The following RNF216 variants were observed in gnomAD, a reference collection of about 807,000 sequenced individuals.
The protein encoded by RNF216 is ring finger protein 216.
A neutral mutation model predicts 110.8 loss-of-function variants in RNF216; 72 were observed. The observed-to-expected ratio is 0.65, with a 90% CI of 0.54 to 0.79. RNF216 has a LOEUF of 0.79. Ranked by LOEUF, RNF216 falls within the 30% of genes least tolerant of loss-of-function variation. The probability of loss-of-function intolerance (pLI) is 0.00; values close to 1 mark genes in which losing one functional copy is unlikely to be tolerated. For synonymous variants in RNF216, 495 were observed against 407.5 expected (o/e 1.21, Z -2.59); for missense variants, 1,342 against 1,141.2 (o/e 1.18, Z -2.54).
intron 5 of RNF216, chr7:5,733,075 A>T (rs573524048): frequency 1.3e-4 from 20 of 152,378 alleles, no homozygotes; most frequent in Admixed American, 1.3e-3. Context: ...ACTGAGCTAC[A>T]ACAAAATCCC....
intron 5 of RNF216, among the ~76,000 whole-genome samples, chr7:5,732,495 T>G (rs1794151748): frequency 6.6e-6 from 1 of 152,240 alleles, no homozygotes; most frequent in Non-Finnish European, 1.5e-5. Flanking sequence ...CCAATTCATT[T>G]TATATTTGCA....
At chr7:5,652,116 C>G (rs1457970933) in intron 14 of RNF216, among the ~76,000 whole-genome samples, 1 of 152,022 alleles carries the variant, frequency 6.6e-6, no homozygotes, top group Non-Finnish European at 1.5e-5. Flanking sequence ...CTAGTGCAGT[C>G]TAAGTTAATT....
chr7:5,717,221 C>G (rs915357181), intron 9 of RNF216, among the ~76,000 whole-genome samples: 4 of 152,022 alleles, frequency 2.6e-5, no homozygotes, highest in African/African-American at 9.7e-5. Flanking sequence ...GGCATGGTGG[C>G]GTGCACCTGT....
chr7:5,716,595 A>C (rs1159764855), intron 10 of RNF216, 121 bp downstream of exon 10: 2 of 704,916 alleles, frequency 2.8e-6, no homozygotes, highest in Non-Finnish European at 4.9e-6. Context: ...GCTGAACTGC[A>C]AACTCACCAA....
chr7:5,675,760 A>T (rs924259563), intron 13 of RNF216, among the ~76,000 whole-genome samples: 1 of 145,728 alleles, frequency 6.9e-6, no homozygotes, highest in African/African-American at 2.7e-5. Flanking sequence ...CCCAGGCTGT[A>T]ACGCAATGGT....
intron 11 of RNF216, among the ~76,000 whole-genome samples, chr7:5,714,136 T>C (rs552891846): frequency 2.6e-5 from 4 of 152,312 alleles, no homozygotes; most frequent in South Asian, 4.1e-4. Context: ...CTAATTTTTG[T>C]ATTTTTAGCA....
chr7:5,779,778 G>C (rs1220690521), intron 1 of RNF216, among the ~76,000 whole-genome samples: 1 of 138,700 alleles, frequency 7.2e-6, no homozygotes, highest in East Asian at 2.3e-4. Flanking sequence ...GCAGTGGGCA[G>C]AGATGGCACC....
intron 15 of RNF216, among the ~76,000 whole-genome samples, chr7:5,632,321 A>G (rs1343573061): frequency 1.6e-4 from 25 of 152,190 alleles, no homozygotes; most frequent in Admixed American, 1.6e-3. Context: ...ACAGGCCTTA[A>G]GAAGGACCCA....
intron 1 of RNF216, among the ~76,000 whole-genome samples, chr7:5,771,927 A>C (rs1796518657): frequency 6.6e-6 from 1 of 152,070 alleles, no homozygotes; most frequent in Admixed American, 6.5e-5. Flanking sequence ...GAGACATCAG[A>C]GAAATGTAAA....
intron 2 of RNF216, among the ~76,000 whole-genome samples, chr7:5,759,409 C>T (rs1795813223): frequency 6.6e-6 from 1 of 152,090 alleles, no homozygotes; most frequent in Non-Finnish European, 1.5e-5. Flanking sequence ...AGATGAAGAC[C>T]TTTAGAATGG....
In RNF216 at chr7:5,738,149, G is replaced by A. The variant is rs148064983; in HGVS notation, c.1121+1127C>T. 7.6e-3 allele frequency among the ~76,000 whole-genome samples: 1,138 copies of A among 150,324 alleles called. 15 individuals carry two copies. The highest frequency in any genetic ancestry group is 0.027 in the African/African-American group (1,091 of 40,384). ...TTATTTCACCTCTGCAGATTAGAAGGAGGGGAAAGAGTATATTTTTCATTT... is the reference window on the plus strand; with the variant it reads ...TTATTTCACCTCTGCAGATTAGAAGAAGGGGAAAGAGTATATTTTTCATTT... On this transcript the variant is annotated intron_variant, in intron 5 of 16. Transcript: ENST00000389902.
intron 13 of RNF216, among the ~76,000 whole-genome samples, chr7:5,665,156 T>C (rs913304077): frequency 6.6e-6 from 1 of 152,226 alleles, no homozygotes; most frequent in Non-Finnish European, 1.5e-5. Context: ...GATCTGATTA[T>C]GTCACATCTA....
At chr7:5,758,939 G>A (rs1795785180) in intron 2 of RNF216, among the ~76,000 whole-genome samples, 1 of 152,126 alleles carries the variant, frequency 6.6e-6, no homozygotes, top group Non-Finnish European at 1.5e-5. Flanking sequence ...AGTATGGTTT[G>A]GATCTGTGTC....
intron 5 of RNF216, among the ~76,000 whole-genome samples, chr7:5,735,472 G>A (rs6959488): frequency 0.071 from 10,856 of 152,148 alleles, 1,308 homozygotes; most frequent in African/African-American, 0.25. Flanking sequence ...TAGGCAAAGA[G>A]CAAAACTCTA....
At chr7:5,757,294 C>T (rs1359366226) in intron 2 of RNF216, among the ~76,000 whole-genome samples, 3 of 152,098 alleles carry the variant, frequency 2.0e-5, no homozygotes, top group Non-Finnish European at 4.4e-5. Flanking sequence ...ACTAAGTATA[C>T]AGGGATTAGC....
At position 5,620,909 on chromosome 7, in the gene RNF216, T is replaced by C. The variant is rs2128553222; in HGVS notation, c.*1951A>G. 1 of 152,292 alleles carries C rather than the reference T, an allele frequency of 6.6e-6. No individual in the cohort carries two copies. The highest frequency in any genetic ancestry group is 2.1e-4 in the South Asian group (1 of 4,818). The allele number at this position is 152,292 out of a possible 1,614,324, so 9.4% of individuals were successfully genotyped here. ...TACAGCCGCCCTCTGCTCCCAGAGA[T>C]CCTCCCTGGGGAAGCACAGGGAGCA... On this transcript the variant is annotated 3_prime_UTR_variant, in exon 17 of 17. Transcript: ENST00000389902.
chr7:5,776,110 A>G (rs1324885657), intron 1 of RNF216, among the ~76,000 whole-genome samples: 1 of 152,190 alleles, frequency 6.6e-6, no homozygotes, highest in African/African-American at 2.4e-5. Flanking sequence ...GTTTACTGTT[A>G]GCTCTCCATA....
At chr7:5,627,750 A>C (rs1365192737) in intron 15 of RNF216, among the ~76,000 whole-genome samples, 6 of 151,848 alleles carry the variant, frequency 4.0e-5, no homozygotes, top group Non-Finnish European at 7.4e-5. Context: ...TGTCTAAAAA[A>C]AAAAAAAAGA....
At chr7:5,773,223 G>A (rs1185944761) in intron 1 of RNF216, among the ~76,000 whole-genome samples, 1 of 151,722 alleles carries the variant, frequency 6.6e-6, no homozygotes, top group Non-Finnish European at 1.5e-5. Context: ...ATCTAATCAA[G>A]TCCTTTTTTT....
Sources: allele counts gnomAD v4.1 joint callset (sites outside exome capture counted in the v4.1 genomes callset), GRCh38; gene constraint gnomAD v4.1.1; transcripts MANE v1.5; gene names NCBI Gene and HGNC (gene_info 2026-07-23, HGNC 2026-07-21).